CFAP54: variants seen among roughly 807,000 people sequenced by gnomAD.
CFAP54 encodes the protein cilia and flagella associated protein 54, also known as cilia- and flagella-associated protein 54.
A neutral mutation model predicts 370.4 loss-of-function variants in CFAP54; 290 were observed. The observed-to-expected ratio is 0.78, with a 90% CI of 0.71 to 0.86. The LOEUF (loss-of-function observed/expected upper bound fraction) is 0.86. Among genes scored for constraint, CFAP54 ranks in the 40% least tolerant of loss-of-function variants. The pLI, the probability that CFAP54 is intolerant of heterozygous loss-of-function variation, is 0.00. For missense variants in CFAP54, 3,399 were observed against 3,528.7 expected (o/e 0.96, Z 0.93); for synonymous variants, 1,206 against 1,236.5 (o/e 0.98, Z 0.52).
chr12:96,676,553 T>C (rs573990598), intron 39 of CFAP54, among the ~76,000 whole-genome samples: 1 of 152,226 alleles, frequency 6.6e-6, no homozygotes, highest in Admixed American at 6.6e-5. Context: ...TTTTATTTAG[T>C]TATTTTTTTT....
At chr12:96,718,574 A>G (rs1345255516) in intron 49 of CFAP54, 52 bp downstream of exon 49, 1 of 1,130,896 alleles carries the variant, frequency 8.8e-7, no homozygotes, top group Admixed American at 1.9e-5. Context: ...AAAATCCACT[A>G]TTAGGCCCTG....
chr12:96,698,011 A>G (rs1020273997), intron 45 of CFAP54, among the ~76,000 whole-genome samples: 1 of 152,172 alleles, frequency 6.6e-6, no homozygotes, highest in East Asian at 1.9e-4. Context: ...CTTTAATGCC[A>G]TTCCCAAATC....
intron 67 of CFAP54, among the ~76,000 whole-genome samples, chr12:96,868,430 C>CTTTT (rs35020483): frequency 7.2e-6 from 1 of 138,198 alleles, no homozygotes; most frequent in Non-Finnish European, 1.5e-5. Flanking sequence ...GTATGTTCAT[C>CTTTT]TTTTTTTTTT....
intron 15 of CFAP54, among the ~76,000 whole-genome samples, chr12:96,552,488 T>A (rs527723865): frequency 4.6e-5 from 7 of 151,722 alleles, no homozygotes; most frequent in Non-Finnish European, 7.4e-5. Flanking sequence ...GGACTACAGG[T>A]CTGCACCATC....
intron 61 of CFAP54, 77 bp downstream of exon 61, chr12:96,784,967 A>T: frequency 9.3e-6 from 11 of 1,177,104 alleles, no homozygotes; most frequent in Non-Finnish European, 1.2e-5. Context: ...GTTGAGAATT[A>T]TAAGATACTT....
intron 65 of CFAP54, among the ~76,000 whole-genome samples, chr12:96,827,058 T>C (rs1173767358): frequency 7.2e-6 from 1 of 138,216 alleles, no homozygotes; most frequent in East Asian, 2.4e-4. Context: ...TATATGTGAT[T>C]ATATATAATA....
At chr12:96,850,907 A>G (rs753929858) in intron 66 of CFAP54, among the ~76,000 whole-genome samples, 10 of 152,148 alleles carry the variant, frequency 6.6e-5, no homozygotes, top group Non-Finnish European at 7.4e-5. Context: ...CCGTGATCCA[A>G]TCACCTCCCA....
At chr12:96,707,797 A>G (rs544865374) in intron 47 of CFAP54, among the ~76,000 whole-genome samples, 12 of 152,122 alleles carry the variant, frequency 7.9e-5, no homozygotes, top group South Asian at 2.1e-4. Context: ...AGTTTGCTCT[A>G]CTCTGACTGC....
In CFAP54 at chr12:96,657,961, C is replaced by T. The variant is rs377530942; in HGVS notation, c.5180C>T (p.Thr1727Ile). ...AATGACAACGGTGGTTCTAGTCTTA[C>T]CTTTGAGCATCCTTTGGATGATGTA... ...IKNDNGGSSLTFEHPLDDVNV... is the reference protein window; with the variant it reads ...IKNDNGGSSLIFEHPLDDVNV... The change falls in exon 37 of 68, where the codon ACC (threonine) becomes ATC (isoleucine). Residue 1727 changes from threonine (T) to isoleucine (I), a missense_variant. By Grantham distance (89) the Thr-to-Ile change is moderately conservative (BLOSUM62 -1). Coordinates refer to ENST00000524981, the MANE Select transcript of CFAP54 (RefSeq NM_001306084.2). 1.7e-5 allele frequency: 28 copies of T among 1,613,580 alleles called. No individual in the cohort carries two copies. The African/African-American group carries it at 3.6e-4, about 21-fold the overall frequency.
chr12:96,614,748 C>T (rs1418257289), intron 26 of CFAP54, among the ~76,000 whole-genome samples: 2 of 152,168 alleles, frequency 1.3e-5, no homozygotes, highest in African/African-American at 4.8e-5. Flanking sequence ...CATGAGTGAA[C>T]TCCCATTCAC....
At chr12:96,695,353 C>T (rs1957431390) in intron 45 of CFAP54, among the ~76,000 whole-genome samples, 1 of 152,188 alleles carries the variant, frequency 6.6e-6, no homozygotes, top group South Asian at 2.1e-4. Flanking sequence ...GCCCTGGGGC[C>T]TATATTTTCA....
Position 96,850,028 on chromosome 12 carries a change from C to T in CFAP54, c.9172-10791C>T, listed in dbSNP as rs143994072. Among the ~76,000 whole-genome samples, 179 of 152,162 alleles carry T rather than the reference C, an allele frequency of 1.2e-3. 1 individual carries two copies. Among genetic ancestry groups the T allele is most frequent in the Admixed American group, 1.9e-3 (29 of 15,270 alleles). On this transcript the variant is annotated intron_variant, in intron 66 of 67. Coordinates refer to ENST00000524981, the MANE Select transcript of CFAP54 (RefSeq NM_001306084.2). ...GCAAACATAAAAGATCTCTAATTCC[C>T]TTTGGCAGCCCTAGAGTCGTCTGTA... is the stretch of plus-strand genomic sequence containing the variant.
intron 20 of CFAP54, among the ~76,000 whole-genome samples, chr12:96,577,067 C>G (rs1210876878): frequency 6.6e-6 from 1 of 152,158 alleles, no homozygotes; most frequent in Non-Finnish European, 1.5e-5. Flanking sequence ...TGCTGACATC[C>G]TCGTGTGCTC....
intron 66 of CFAP54, among the ~76,000 whole-genome samples, chr12:96,831,030 A>T (rs1959169381): frequency 6.6e-6 from 1 of 152,198 alleles, no homozygotes; most frequent in South Asian, 2.1e-4. Flanking sequence ...TGACAAGTGG[A>T]AAATAGTATA....
chr12:96,851,851 A>G (rs1959554769), intron 66 of CFAP54, among the ~76,000 whole-genome samples: 1 of 152,062 alleles, frequency 6.6e-6, no homozygotes, highest in South Asian at 2.1e-4. Flanking sequence ...CATCACTTCT[A>G]ATTAACATTG....
intron 38 of CFAP54, among the ~76,000 whole-genome samples, chr12:96,660,887 C>T (rs971829944): frequency 6.6e-6 from 1 of 152,098 alleles, no homozygotes; most frequent in Non-Finnish European, 1.5e-5. Context: ...GCTAGAGTGG[C>T]TCACAGAACT....
intron 47 of CFAP54, among the ~76,000 whole-genome samples, chr12:96,706,294 G>A (rs1348768722): frequency 2.6e-5 from 4 of 152,216 alleles, no homozygotes; most frequent in African/African-American, 7.2e-5. Context: ...GGAATTGGGA[G>A]CATGGGGCTA....
intron 11 of CFAP54, among the ~76,000 whole-genome samples, chr12:96,535,049 TG>T (rs1592837285): frequency 2.7e-5 from 4 of 149,982 alleles, no homozygotes; most frequent in East Asian, 3.9e-4. Context: ...TGTGTGTGTG[TG>T]TGTTTATTTA....
intron 66 of CFAP54, among the ~76,000 whole-genome samples, chr12:96,844,738 C>T (rs1959290393): frequency 6.6e-6 from 1 of 152,140 alleles, no homozygotes; most frequent in Non-Finnish European, 1.5e-5. Context: ...AGTGTCAGAG[C>T]CAGGATCCAC....
Sources: allele counts gnomAD v4.1 joint callset (sites outside exome capture counted in the v4.1 genomes callset), GRCh38; gene constraint gnomAD v4.1.1; transcripts MANE v1.5; gene names NCBI Gene and HGNC (gene_info 2026-07-23, HGNC 2026-07-21).